The following ACSM2B variants were observed in gnomAD, a reference collection of about 807,000 sequenced individuals.
ACSM2B encodes acyl-coenzyme A synthetase ACSM2B, mitochondrial.
Under a neutral mutation model 78.6 loss-of-function variants are expected in ACSM2B, and 58 were observed. That is an observed-to-expected ratio of 0.74 (90% CI 0.60 to 0.92). The LOEUF (loss-of-function observed/expected upper bound fraction) is 0.92, where lower values mean the gene tolerates loss of function less well. ACSM2B is among the 40% of genes least tolerant of loss of function. ACSM2B has a pLI of 0.00. For missense variants in ACSM2B, 688 were observed against 711.2 expected (o/e 0.97, Z 0.37); for synonymous variants, 257 against 256.8 (o/e 1.00, Z -0.01).
intron 13 of ACSM2B, among the ~76,000 whole-genome samples, chr16:20,538,567 T>C (rs1234855447): frequency 1.3e-5 from 2 of 152,100 alleles, no homozygotes; most frequent in African/African-American, 4.8e-5. Flanking sequence ...GGACTGGATG[T>C]AGTTGGTGAA....
At chr16:20,556,423 G>A (rs1030450767) in intron 3 of ACSM2B, among the ~76,000 whole-genome samples, 9 of 152,258 alleles carry the variant, frequency 5.9e-5, no homozygotes, top group African/African-American at 7.2e-5. Flanking sequence ...CCAACATGGC[G>A]AAACCCCAGC....
chr16:20,566,447 C>T (rs1368859810), intron 1 of ACSM2B, among the ~76,000 whole-genome samples: 2 of 122,744 alleles, frequency 1.6e-5, no homozygotes, highest in African/African-American at 6.2e-5. Context: ...TTGTATATAA[C>T]ATATTATATA....
chr16:20,559,600 G>C (rs1461101557), intron 2 of ACSM2B, among the ~76,000 whole-genome samples, 153 bp from the exon 3 acceptor site: 3 of 150,716 alleles, frequency 2.0e-5, no homozygotes, highest in African/African-American at 2.5e-5. Context: ...ACCCTAAAGA[G>C]TTGTTATTTA....
At chr16:20,553,171 T>C (rs9934253) in intron 5 of ACSM2B, among the ~76,000 whole-genome samples, 28,430 of 152,158 alleles carry the variant, frequency 0.19, 6,697 homozygotes, top group African/African-American at 0.55. Flanking sequence ...TTAATGTATC[T>C]TCCCATTCTA....
intron 12 of ACSM2B, chr16:20,542,703 T>A: frequency 1.6e-6 from 1 of 627,260 alleles, no homozygotes; most frequent in South Asian, 2.2e-5. Flanking sequence ...ATTAGCACAT[T>A]TAACCCTCAT....
chr16:20,537,304 A>T lies in ACSM2B; in HGVS notation c.1688T>A (p.Leu563His), dbSNP rs2014868904. The change falls in exon 14 of 14, where the codon CTT (leucine) becomes CAT (histidine). Residue 563 changes from leucine to histidine, a missense_variant. Transcript: ENST00000329697. ...GGACATCTTCCACTCCTTGTCTCGA[A>T]GTTTGGTTCGTTGAATTTTCCCTGT... is the stretch of plus-strand genomic sequence containing the variant. The part of the protein sequence containing the change: ...TVTGKIQRTK[L>H]RDKEWKMSGK... 1.9e-6 allele frequency: 3 copies of T among 1,613,930 alleles called. No homozygotes were observed. In the South Asian group the frequency reaches 3.3e-5, roughly 18 times the overall value.
intron 12 of ACSM2B, chr16:20,542,228 C>G (rs1231622842): frequency 6.7e-6 from 1 of 149,746 alleles, no homozygotes; most frequent in African/African-American, 2.5e-5. Context: ...TACCCATTCA[C>G]CAACCTCCCT....
At chr16:20,548,845 G>C (rs1459558027) in intron 6 of ACSM2B, among the ~76,000 whole-genome samples, 1 of 152,084 alleles carries the variant, frequency 6.6e-6, no homozygotes, top group Non-Finnish European at 1.5e-5. Context: ...TGTCTTGGTT[G>C]AGTCCCTTAA....
At chr16:20,557,630 A>G (rs562556483) in intron 3 of ACSM2B, among the ~76,000 whole-genome samples, 1 of 152,304 alleles carries the variant, frequency 6.6e-6, no homozygotes, top group Admixed American at 6.5e-5. Context: ...ATCATTTCCC[A>G]TTCACCACTG....
intron 1 of ACSM2B, among the ~76,000 whole-genome samples, chr16:20,567,933 A>G (rs2152147771): frequency 7.0e-6 from 1 of 143,512 alleles, no homozygotes; most frequent in South Asian, 2.1e-4. Context: ...AAAAATATAT[A>G]GAAATTTATA....
intron 2 of ACSM2B, among the ~76,000 whole-genome samples, chr16:20,562,377 T>C (rs28735044): frequency 2.6e-5 from 4 of 152,254 alleles, no homozygotes; most frequent in Admixed American, 1.3e-4. Flanking sequence ...CAAAACATGT[T>C]AGCAATTTTA....
In ACSM2B at chr16:20,566,284, T is replaced by G. The variant is rs1164744663; in HGVS notation, c.-8-1431A>C. The stretch of plus-strand genomic sequence containing the variant: ...ATATATATATATATATATATATATA[T>G]AGACAGATATATAGATATATAAATA... On this transcript the variant is annotated intron_variant, in intron 1 of 13. Transcript: ENST00000329697. Among the ~76,000 whole-genome samples the G allele has an allele frequency of 1.2e-3, 135 of 110,646 alleles. 2 individuals are homozygous for G. The highest frequency in any genetic ancestry group is 4.1e-3 in the African/African-American group (117 of 28,626). 72.6% of individuals were successfully genotyped at this position (110,646 alleles called of 152,430 possible).
intron 1 of ACSM2B, among the ~76,000 whole-genome samples, chr16:20,566,250 TATA>T (rs1567217797): frequency 0.038 from 1,615 of 42,320 alleles, 81 homozygotes; most frequent in African/African-American, 0.11. Flanking sequence ...TGGAAGATTA[TATA>T]TATATATATA....
At chr16:20,563,061 C>T (rs540216407) in intron 2 of ACSM2B, among the ~76,000 whole-genome samples, 5 of 152,252 alleles carry the variant, frequency 3.3e-5, no homozygotes, top group African/African-American at 1.2e-4. Context: ...TCTTTGAAAA[C>T]CCTAGTCTCT....
intron 1 of ACSM2B, among the ~76,000 whole-genome samples, chr16:20,573,713 C>T (rs1440422084): frequency 1.3e-5 from 2 of 150,692 alleles, no homozygotes; most frequent in African/African-American, 4.9e-5. Context: ...ACAGCTGGGC[C>T]TCTGGGGCTG....
At position 20,552,277 on chromosome 16, in the gene ACSM2B, G is replaced by C. The variant is rs1022985700; in HGVS notation, c.761C>G (p.Ser254Cys). The change falls in exon 6 of 14, where the codon TCT (serine) becomes TGT (cysteine). Residue 254 changes from serine (S) to cysteine (C), a missense_variant. Physicochemically the swap from Ser to Cys is moderately radical, Grantham distance 112. Coordinates refer to ENST00000329697, the MANE Select transcript of ACSM2B (RefSeq NM_001105069.2). ...MDAGWTGLQASDIMWTISDTG... is the reference protein window; with the variant it reads ...MDAGWTGLQACDIMWTISDTG... ...GTCTGATATGGTCCACATTATATCAGAGGCTTGCAGGCCTGTCCAACTGAA... is the reference window on the plus strand; with the variant it reads ...GTCTGATATGGTCCACATTATATCACAGGCTTGCAGGCCTGTCCAACTGAA... The C allele has an allele frequency of 5.0e-6, 8 of 1,612,638 alleles. No homozygotes were observed. Among genetic ancestry groups the C allele is most frequent in the Admixed American group, 1.7e-5 (1 of 59,716 alleles).
chr16:20,537,800 G>T (rs756459209), intron 13 of ACSM2B, among the ~76,000 whole-genome samples: 1 of 152,170 alleles, frequency 6.6e-6, no homozygotes, highest in Non-Finnish European at 1.5e-5. Flanking sequence ...TAAGTTATTG[G>T]TATGGAGTAA....
intron 3 of ACSM2B, among the ~76,000 whole-genome samples, chr16:20,557,887 C>T (rs150272216): frequency 1.3e-5 from 2 of 152,290 alleles, no homozygotes; most frequent in African/African-American, 4.8e-5. Context: ...TCCAACCTCA[C>T]AAGCTATCTA....
intron 3 of ACSM2B, among the ~76,000 whole-genome samples, chr16:20,556,539 T>C (rs903552993): frequency 1.3e-5 from 2 of 152,106 alleles, no homozygotes; most frequent in African/African-American, 4.8e-5. Flanking sequence ...GAGGCAAAGG[T>C]TGCAGTGAGC....
Sources: allele counts gnomAD v4.1 joint callset (sites outside exome capture counted in the v4.1 genomes callset), GRCh38; gene constraint gnomAD v4.1.1; transcripts MANE v1.5; gene names NCBI Gene and HGNC (gene_info 2026-07-23, HGNC 2026-07-21).